LRRTM1: variants seen among roughly 807,000 people sequenced by gnomAD.
LRRTM1 encodes leucine rich repeat transmembrane neuronal 1.
LRRTM1 carries 8 observed loss-of-function variants against 37.3 expected under a neutral mutation model. The observed-to-expected ratio is 0.21, with a 90% CI of 0.13 to 0.39. The LOEUF (loss-of-function observed/expected upper bound fraction) is 0.39, where lower values mean the gene tolerates loss of function less well. Among genes scored for constraint, LRRTM1 ranks in the 10% least tolerant of loss-of-function variants. LRRTM1 has a pLI of 1.00. For missense variants in LRRTM1, 557 were observed against 691.0 expected, an observed-to-expected ratio of 0.81 and a Z score of 2.17; for synonymous variants, 326 against 316.8, an observed-to-expected ratio of 1.03 and a Z score of -0.31.
chr2:80,290,617 C>A (rs1675153862), intron 2 of LRRTM1, among the ~76,000 whole-genome samples: 1 of 151,914 alleles, frequency 6.6e-6, no homozygotes, highest in Non-Finnish European at 1.5e-5. Flanking sequence ...CCTAATTACT[C>A]CCCCTCCCTG....
downstream of LRRTM1, among the ~76,000 whole-genome samples, chr2:80,301,461 G>T (rs1676298509): frequency 6.6e-6 from 1 of 152,150 alleles, no homozygotes; most frequent in Non-Finnish European, 1.5e-5. Context: ...TTTGAAAGAT[G>T]GTTACATTAA....
Position 80,302,916 on chromosome 2 carries a change from A to C in LRRTM1, c.904T>G (p.Ser302Ala). The change falls in exon 2 of 2, where the codon TCT (serine) becomes GCT (alanine). Residue 302 changes from serine (S) to alanine (A), a missense_variant. This residue lies in a region of LRRTM1 where 200 missense variants were observed against 249.9 expected (regional missense o/e 0.80). Coordinates refer to ENST00000295057, the MANE Select transcript of LRRTM1 (RefSeq NM_178839.5). This position sits in a 1 kb window ranked among gnomAD's most constrained non-coding sequence, Gnocchi z 6.4. ...LTYIEPRILN[S>A]WKSLTSITLA... is the part of the protein sequence containing the mutation. Reference sequence around the variant, plus strand: ...GTGATGCTTGTCAGGGACTTCCAAGAGTTGAGGATCCGGGGCTCGATGTAG... The same window carrying C: ...GTGATGCTTGTCAGGGACTTCCAAGCGTTGAGGATCCGGGGCTCGATGTAG... The C allele has an allele frequency of 2.5e-6, 4 of 1,613,878 alleles. No homozygotes were observed. The highest frequency in any genetic ancestry group is 3.4e-6 in the Non-Finnish European group (4 of 1,179,982).
At chr2:80,300,456 A>G (rs977117508), downstream of LRRTM1, among the ~76,000 whole-genome samples, 1 of 152,098 alleles carries the variant, frequency 6.6e-6, no homozygotes, top group Non-Finnish European at 1.5e-5. Context: ...AGAGAAACCT[A>G]CCACCAACCC....
At chr2:80,296,795 T>C (rs907752127) in intron 2 of LRRTM1, among the ~76,000 whole-genome samples, 2 of 152,132 alleles carry the variant, frequency 1.3e-5, no homozygotes, top group Non-Finnish European at 2.9e-5. Context: ...TCCAGACATC[T>C]ACCTACTGGA....
intron 2 of LRRTM1, among the ~76,000 whole-genome samples, chr2:80,290,341 G>C (rs1410315995): frequency 1.3e-5 from 2 of 152,000 alleles, no homozygotes; most frequent in African/African-American, 4.8e-5. Flanking sequence ...AATAGTCTCA[G>C]TCCTGGTTTT....
chr2:80,290,388 T>C (rs536249872), intron 2 of LRRTM1, among the ~76,000 whole-genome samples: 9 of 152,146 alleles, frequency 5.9e-5, no homozygotes, highest in East Asian at 1.9e-4. Flanking sequence ...GACCTTCTCA[T>C]TTCTTCCCCA....
Position 80,302,517 on chromosome 2 carries a change from G to A in LRRTM1, c.1303C>T (p.Leu435Phe), listed in dbSNP as rs772238456. Reference protein sequence around the residue: ...IHKVVTGTMALIFSFLIVVLV... With the variant: ...IHKVVTGTMAFIFSFLIVVLV... ...ACCACGATGAGGAAGGAGAAGATGA[G>A]GGCCATGGTGCCCGTGACCACCTTG... Residue 435 changes from leucine (L) to phenylalanine (F), a missense_variant, in exon 2 of 2, where the codon CTC (leucine) becomes TTC (phenylalanine). Around this residue, in one of 5 missense-constraint regions of LRRTM1, gnomAD observed 90 missense variants for 149.4 expected, o/e 0.60. Transcript: ENST00000295057. The surrounding 1 kb of genome is among the most constrained non-coding windows in gnomAD (Gnocchi z 6.4). The A allele has an allele frequency of 6.2e-7, 1 of 1,612,680 alleles. No individual in the cohort carries two copies. The highest frequency in any genetic ancestry group is 1.1e-5 in the South Asian group (1 of 91,086).
At position 80,302,173 on chromosome 2, in the gene LRRTM1, C is replaced by T. The variant is rs1420735011; in HGVS notation, c.*78G>A. Reference sequence around the variant, plus strand: ...CATATCAGAGCACAGACAAGGAGACCCCAGCCTGGTGCCCGCCGGCCCGTC... The same window carrying T: ...CATATCAGAGCACAGACAAGGAGACTCCAGCCTGGTGCCCGCCGGCCCGTC... On this transcript the variant is annotated 3_prime_UTR_variant, in exon 2 of 2. Coordinates refer to ENST00000295057, the MANE Select transcript of LRRTM1 (RefSeq NM_178839.5). The surrounding 1 kb of genome is among the most constrained non-coding windows in gnomAD (Gnocchi z 6.4). 8 of 1,542,782 alleles carry T rather than the reference C, an allele frequency of 5.2e-6. No individual in the cohort carries two copies. In the African/African-American group the frequency reaches 1.1e-4, roughly 21 times the overall value.
Position 80,302,688 on chromosome 2 carries a change from C to T in LRRTM1, c.1132G>A (p.Val378Ile), listed in dbSNP as rs1466238277. The change falls in exon 2 of 2, where the codon GTC (valine) becomes ATC (isoleucine). Residue 378 changes from valine (V) to isoleucine (I), a missense_variant. This residue lies in a region of LRRTM1 where 89 missense variants were observed against 80.7 expected (regional missense o/e 1.10). Transcript: ENST00000295057. This position sits in a 1 kb window ranked among gnomAD's most constrained non-coding sequence, Gnocchi z 6.4. ...EPTSGHLLSA[V>I]TNRSDLGPPA... is the part of the protein sequence containing the mutation. ...GGCCCCAGATCACTGCGGTTGGTGACGGCCGAGAGCAGGTGGCCGCTGGTG... is the reference window on the plus strand; with the variant it reads ...GGCCCCAGATCACTGCGGTTGGTGATGGCCGAGAGCAGGTGGCCGCTGGTG... 5 of 1,612,306 alleles carry T rather than the reference C, an allele frequency of 3.1e-6. No homozygotes were observed. The highest frequency in any genetic ancestry group is 2.2e-5 in the East Asian group (1 of 44,840).
At chr2:80,299,309 A>T (rs2149198860), downstream of LRRTM1, 1 of 152,352 alleles carries the variant, frequency 6.6e-6, no homozygotes, top group African/African-American at 2.4e-5. Context: ...AAAGATTTCA[A>T]GTGTTACAAA....
chr2:80,290,915 C>T (rs1032470237), intron 2 of LRRTM1, among the ~76,000 whole-genome samples: 15 of 152,166 alleles, frequency 9.9e-5, no homozygotes, highest in Admixed American at 1.3e-4. Context: ...ACTAAACTGA[C>T]GATGTCCTCA....
At position 80,303,025 on chromosome 2, in the gene LRRTM1, G is replaced by C. The variant is rs748673056; in HGVS notation, c.795C>G (p.Gly265=). 3.1e-6 allele frequency: 5 copies of C among 1,613,758 alleles called. No individual in the cohort carries two copies. Among genetic ancestry groups the C allele is most frequent in the Non-Finnish European group, 4.2e-6 (5 of 1,179,978 alleles). Residue 265 remains glycine, a synonymous_variant, in exon 2 of 2, where the codon GGC becomes GGG. Transcript: ENST00000295057. The surrounding 1 kb of genome is among the most constrained non-coding windows in gnomAD (Gnocchi z 7.7). ...VWNLEKMDLS[G]NEIEYMEPHV... is the part of the protein sequence containing the mutation. ...GGGGCTCCATGTACTCGATCTCGTTGCCCGACAAGTCCATTTTCTCCAGGT... is the reference window on the plus strand; with the variant it reads ...GGGGCTCCATGTACTCGATCTCGTTCCCCGACAAGTCCATTTTCTCCAGGT...
chr2:80,299,074 C>A (rs1676013376), downstream of LRRTM1: 1 of 152,056 alleles, frequency 6.6e-6, no homozygotes, highest in South Asian at 2.1e-4. Context: ...GAAGGTACTG[C>A]AAATGGAGGG....
At chr2:80,296,031 A>AT (rs1306130146) in intron 2 of LRRTM1, among the ~76,000 whole-genome samples, 1 of 151,700 alleles carries the variant, frequency 6.6e-6, no homozygotes, top group Non-Finnish European at 1.5e-5. Flanking sequence ...GAGCACATTG[A>AT]TTTTTTTCTA....
chr2:80,293,964 G>A (rs560692114), intron 2 of LRRTM1, among the ~76,000 whole-genome samples: 2 of 152,280 alleles, frequency 1.3e-5, no homozygotes, highest in Admixed American at 6.5e-5. Flanking sequence ...GTAACTGCAG[G>A]ACTTCAGTGG....
chr2:80,303,948 T>G lies in LRRTM1; in HGVS notation c.-59-70A>C. The G allele has an allele frequency of 8.9e-7, 1 of 1,121,590 alleles. No homozygotes were observed. Among genetic ancestry groups the G allele is most frequent in the Non-Finnish European group, 1.2e-6 (1 of 831,236 alleles). 69.5% of individuals were successfully genotyped at this position (1,121,590 alleles called of 1,614,324 possible). A position where few individuals can be genotyped will look rare whatever the true frequency, so the allele number is the denominator to read the frequency against. ...AGAAAAGGGCAAAAAATCAAATAAA[T>G]ACATAGAAATAAAGAAGGACCCCCC... On this transcript the variant is annotated intron_variant, in intron 1 of 1. Transcript: ENST00000295057. The surrounding 1 kb of genome is among the most constrained non-coding windows in gnomAD (Gnocchi z 7.7).
chr2:80,303,508 C>G lies in LRRTM1; in HGVS notation c.312G>C (p.Val104=). 1 of 1,614,258 alleles carries G rather than the reference C, an allele frequency of 6.2e-7. No homozygotes were observed. The highest frequency in any genetic ancestry group is 2.2e-5 in the East Asian group (1 of 44,866). ...LYLDHNHICS[V]QGDAFQKLRR... ...GCAGTTTCTGAAAGGCGTCCCCCTGCACGGAGCAGATGTGATTGTGATCCA... is the reference window on the plus strand; with the variant it reads ...GCAGTTTCTGAAAGGCGTCCCCCTGGACGGAGCAGATGTGATTGTGATCCA... The change falls in exon 2 of 2, where the codon GTG becomes GTC. Residue 104 remains valine, a synonymous_variant. Transcript: ENST00000295057. This position sits in a 1 kb window ranked among gnomAD's most constrained non-coding sequence, Gnocchi z 7.7.
chr2:80,288,796 C>T (rs531864026), exon 3 of LRRTM1: 1 of 152,150 alleles, frequency 6.6e-6, no homozygotes, highest in Admixed American at 6.5e-5. Context: ...AAAACAGATC[C>T]TTTTCCTCTC....
Position 80,302,906 on chromosome 2 carries a change from G to T in LRRTM1, c.914C>A (p.Ser305Tyr). The T allele has an allele frequency of 6.2e-7, 1 of 1,614,122 alleles. No homozygotes were observed. ...CCCGGCCAGGGTGATGCTTGTCAGG[G>T]ACTTCCAAGAGTTGAGGATCCGGGG... ...IEPRILNSWK[S>Y]LTSITLAGNL... The change falls in exon 2 of 2, where the codon TCC (serine) becomes TAC (tyrosine). Residue 305 changes from serine (S) to tyrosine (Y), a missense_variant. Transcript: ENST00000295057. This position sits in a 1 kb window ranked among gnomAD's most constrained non-coding sequence, Gnocchi z 6.4.
Sources: allele counts gnomAD v4.1 joint callset (sites outside exome capture counted in the v4.1 genomes callset), GRCh38; gene constraint gnomAD v4.1.1; regional missense constraint gnomAD v4.1.1; non-coding constraint Gnocchi (gnomAD v3.1); transcripts MANE v1.5; gene names NCBI Gene and HGNC (gene_info 2026-07-23, HGNC 2026-07-21).